The following ITFG1 variants were observed in gnomAD, a reference collection of about 807,000 sequenced individuals.
ITFG1 encodes the protein T-cell immunomodulatory protein.
ITFG1 carries 34 observed loss-of-function variants against 81.8 expected under a neutral mutation model. The observed-to-expected ratio is 0.42, with a 90% CI of 0.32 to 0.55. The LOEUF (loss-of-function observed/expected upper bound fraction) is 0.55, where lower values mean the gene tolerates loss of function less well. ITFG1 is among the 20% of genes least tolerant of loss of function. The probability of loss-of-function intolerance (pLI) is 0.17; values close to 1 mark genes in which losing one functional copy is unlikely to be tolerated. For synonymous variants in ITFG1, 285 were observed against 270.6 expected (o/e 1.05, Z -0.52); for missense variants, 672 against 755.4 (o/e 0.89, Z 1.29).
At chr16:47,198,991 AGGCTGGACACAAT>A (rs1464249349) in intron 14 of ITFG1, among the ~76,000 whole-genome samples, 1 of 152,202 alleles carries the variant, frequency 6.6e-6, no homozygotes, top group Non-Finnish European at 1.5e-5. Context: ...AATTTAGTGT[AGGCTGGACACAAT>A]GGCTCACACC....
At chr16:47,414,625 A>G (rs1191731175) in intron 6 of ITFG1, among the ~76,000 whole-genome samples, 4 of 152,200 alleles carry the variant, frequency 2.6e-5, no homozygotes, top group Admixed American at 6.5e-5. Flanking sequence ...CATATGTGTC[A>G]ATATACTAAT....
chr16:47,304,775 C>T (rs551401620), intron 10 of ITFG1, among the ~76,000 whole-genome samples: 59 of 151,680 alleles, frequency 3.9e-4, no homozygotes, highest in African/African-American at 1.3e-3. Flanking sequence ...TAAGATTTAC[C>T]AAAAAAAAGT....
chr16:47,281,008 A>G (rs1966446133), intron 10 of ITFG1, among the ~76,000 whole-genome samples: 4 of 152,114 alleles, frequency 2.6e-5, no homozygotes, highest in Non-Finnish European at 5.9e-5. Context: ...ATAAACTACA[A>G]TAGAATGTAT....
intron 17 of ITFG1, among the ~76,000 whole-genome samples, chr16:47,157,780 C>T (rs948296189): frequency 5.9e-5 from 9 of 151,994 alleles, no homozygotes; most frequent in East Asian, 1.9e-4. Context: ...AGAACAAACA[C>T]GGTAATTCTA....
chr16:47,339,962 A>G (rs1305174537), intron 8 of ITFG1, among the ~76,000 whole-genome samples: 2 of 152,144 alleles, frequency 1.3e-5, no homozygotes, highest in Non-Finnish European at 2.9e-5. Flanking sequence ...GAGAACAGAA[A>G]AAACAAACAA....
chr16:47,198,800 G>T (rs181025544), intron 14 of ITFG1, among the ~76,000 whole-genome samples: 2 of 152,002 alleles, frequency 1.3e-5, no homozygotes, highest in East Asian at 3.9e-4. Context: ...TTAACTAAAG[G>T]TTTAAAAAGT....
intron 14 of ITFG1, among the ~76,000 whole-genome samples, chr16:47,170,379 A>C (rs1227091434): frequency 1.3e-5 from 2 of 150,000 alleles, no homozygotes; most frequent in East Asian, 3.9e-4. Flanking sequence ...GTAGGTTGAC[A>C]TTGTCTATTT....
chr16:47,435,656 T>G (rs567816686), intron 5 of ITFG1, among the ~76,000 whole-genome samples: 2 of 152,348 alleles, frequency 1.3e-5, no homozygotes, highest in African/African-American at 4.8e-5. Flanking sequence ...ATTATCATTA[T>G]TTAAGTTATC....
At chr16:47,433,380 A>G (rs1969117502) in intron 5 of ITFG1, among the ~76,000 whole-genome samples, 1 of 152,226 alleles carries the variant, frequency 6.6e-6, no homozygotes, top group Non-Finnish European at 1.5e-5. Flanking sequence ...GAAATATCAG[A>G]AGGTCTGGCA....
chr16:47,238,165 T>C, intron 12 of ITFG1, 157 bp from the exon 13 acceptor site: 1 of 548,904 alleles, frequency 1.8e-6, no homozygotes, highest in Non-Finnish European at 3.2e-6. Context: ...TAAAGTTCTG[T>C]TGTTCACTTT....
intron 5 of ITFG1, among the ~76,000 whole-genome samples, chr16:47,438,124 G>A (rs910973355): frequency 2.6e-5 from 4 of 152,176 alleles, no homozygotes; most frequent in East Asian, 1.9e-4. Flanking sequence ...AGGCCACAGC[G>A]AGGCTGGGGT....
rs566295045 is a variant in ITFG1 at position 47,259,473 on chromosome 16, T to TTATTGACAGAA, written c.1222-734_1222-733insTTCTGTCAATA. 2.3e-3 allele frequency among the ~76,000 whole-genome samples: 350 copies of TTATTGACAGAA among 152,332 alleles called. 3 individuals carry two copies. Among genetic ancestry groups the TTATTGACAGAA allele is most frequent in the Admixed American group, 6.8e-3 (104 of 15,302 alleles). On this transcript the variant is annotated intron_variant, in intron 11 of 17. Transcript: ENST00000320640. ...CTTGTGATATTTCTGTCAATTACTTTTATGGTTGGAATCTGCTAATGAAAA... is the reference window on the plus strand; with the variant it reads ...CTTGTGATATTTCTGTCAATTACTTTTATTGACAGAATATGGTTGGAATCTGCTAATGAAAA...
At chr16:47,358,827 T>C (rs1264020919) in intron 8 of ITFG1, among the ~76,000 whole-genome samples, 1 of 152,148 alleles carries the variant, frequency 6.6e-6, no homozygotes, top group East Asian at 1.9e-4. Context: ...TGCTATAGGC[T>C]TGAGAGATAT....
chr16:47,404,944 A>AT (rs939390035), intron 6 of ITFG1, among the ~76,000 whole-genome samples: 17 of 151,834 alleles, frequency 1.1e-4, no homozygotes, highest in East Asian at 1.9e-4. Context: ...GCCCATTTAT[A>AT]TTTTTTTCCC....
At chr16:47,294,502 T>C (rs547085985) in intron 10 of ITFG1, among the ~76,000 whole-genome samples, 66 of 152,294 alleles carry the variant, frequency 4.3e-4, no homozygotes, top group African/African-American at 1.5e-3. Flanking sequence ...GGGATGTTTT[T>C]CCATCTTTTT....
chr16:47,388,415 C>T (rs999230267), intron 6 of ITFG1, among the ~76,000 whole-genome samples: 17 of 151,988 alleles, frequency 1.1e-4, no homozygotes, highest in African/African-American at 3.9e-4. Context: ...AGCAAAAATG[C>T]TGAAAACCAA....
chr16:47,277,847 G>GT (rs1469539654), intron 10 of ITFG1, among the ~76,000 whole-genome samples: 5 of 152,178 alleles, frequency 3.3e-5, no homozygotes, highest in African/African-American at 1.2e-4. Context: ...GGAGATGGCT[G>GT]TGTGTGATAT....
At chr16:47,203,820 A>G (rs1053866020) in intron 14 of ITFG1, among the ~76,000 whole-genome samples, 8 of 152,164 alleles carry the variant, frequency 5.3e-5, no homozygotes, top group African/African-American at 1.9e-4. Context: ...CCTGACCTAG[A>G]GTACTCAGAT....
chr16:47,228,468 C>T (rs1249643303), intron 13 of ITFG1, among the ~76,000 whole-genome samples: 2 of 152,186 alleles, frequency 1.3e-5, no homozygotes, highest in Admixed American at 6.5e-5. Flanking sequence ...GCGATCCTCC[C>T]ACCTCAGCCT....
Sources: allele counts gnomAD v4.1 joint callset (sites outside exome capture counted in the v4.1 genomes callset), GRCh38; gene constraint gnomAD v4.1.1; transcripts MANE v1.5; gene names NCBI Gene and HGNC (gene_info 2026-07-23, HGNC 2026-07-21).